The following GRIK2 variants were observed in gnomAD, a reference collection of about 807,000 sequenced individuals.
GRIK2 encodes the protein glutamate receptor ionotropic, kainate 2.
Under a neutral mutation model 100.3 loss-of-function variants are expected in GRIK2, and 32 were observed. The observed-to-expected ratio is 0.32, with a 90% CI of 0.24 to 0.43. GRIK2 has a LOEUF of 0.43. Among genes scored for constraint, GRIK2 ranks in the 20% least tolerant of loss-of-function variants. GRIK2 has a pLI of 1.00. For synonymous variants in GRIK2, 417 were observed against 389.4 expected (o/e 1.07, Z -0.83); for missense variants, 843 against 1,114.9 (o/e 0.76, Z 3.47).
At chr6:101,798,696 C>T (rs1780474772) in intron 7 of GRIK2, among the ~76,000 whole-genome samples, 1 of 151,786 alleles carries the variant, frequency 6.6e-6, no homozygotes, top group African/African-American at 2.4e-5. Context: ...TATTCTAAAG[C>T]ATGCCAAGCA....
chr6:101,975,524 G>C (rs1163814195), intron 14 of GRIK2, among the ~76,000 whole-genome samples: 2 of 151,954 alleles, frequency 1.3e-5, no homozygotes, highest in Non-Finnish European at 2.9e-5. Context: ...TGTCAAGCAA[G>C]ACAAGGATAA....
intron 2 of GRIK2, among the ~76,000 whole-genome samples, chr6:101,499,426 T>G (rs941212583): frequency 6.6e-6 from 1 of 152,126 alleles, no homozygotes; most frequent in Non-Finnish European, 1.5e-5. Context: ...GCTTTATTTG[T>G]TTTAGAACAT....
At chr6:102,019,214 A>T (rs764921255) in intron 14 of GRIK2, among the ~76,000 whole-genome samples, 8 of 152,044 alleles carry the variant, frequency 5.3e-5, no homozygotes, top group Admixed American at 2.6e-4. Context: ...AGTCTTTAAC[A>T]TCTGGTTTGA....
rs1295825951 is a variant in GRIK2 at position 101,393,724 on chromosome 6, G to A, written c.-407G>A. Among the ~76,000 whole-genome samples the A allele has an allele frequency of 6.6e-6, 1 of 152,052 alleles. No individual in the cohort carries two copies. The highest frequency in any genetic ancestry group is 2.4e-5 in the African/African-American group (1 of 41,434). Reference sequence around the variant, plus strand: ...GCTGCCGTCACTCGCGCTCGGCGCCGGCGGCTGCGCTGGTCGGTCTGGTAG... The same window carrying A: ...GCTGCCGTCACTCGCGCTCGGCGCCAGCGGCTGCGCTGGTCGGTCTGGTAG... On this transcript the variant is annotated 5_prime_UTR_variant, in exon 1 of 17. Coordinates refer to ENST00000369134, the MANE Select transcript of GRIK2 (RefSeq NM_021956.5).
At chr6:101,604,255 TTAAAG>T (rs1779351401) in intron 2 of GRIK2, among the ~76,000 whole-genome samples, 1 of 151,652 alleles carries the variant, frequency 6.6e-6, no homozygotes, top group Admixed American at 6.6e-5. Flanking sequence ...GTTCCTAAAA[TTAAAG>T]TATTTAAAAA....
At chr6:101,707,199 A>G (rs1470517267) in intron 7 of GRIK2, among the ~76,000 whole-genome samples, 1 of 151,664 alleles carries the variant, frequency 6.6e-6, no homozygotes, top group Admixed American at 6.6e-5. Flanking sequence ...GCAAATGAAT[A>G]AGCACATATT....
chr6:101,628,673 G>A (rs1780571321), intron 4 of GRIK2, among the ~76,000 whole-genome samples: 1 of 152,032 alleles, frequency 6.6e-6, no homozygotes, highest in Non-Finnish European at 1.5e-5. Flanking sequence ...AGATACATGT[G>A]CATTGTTAAT....
chr6:101,981,511 A>C (rs1793712483), intron 14 of GRIK2, among the ~76,000 whole-genome samples: 1 of 151,968 alleles, frequency 6.6e-6, no homozygotes, highest in Non-Finnish European at 1.5e-5. Flanking sequence ...TTAAAGAGAT[A>C]AATTATCTTT....
chr6:101,953,139 G>T (rs1408756944), intron 14 of GRIK2, among the ~76,000 whole-genome samples: 1 of 152,098 alleles, frequency 6.6e-6, no homozygotes, highest in Non-Finnish European at 1.5e-5. Flanking sequence ...GTACTACATT[G>T]ATATAACAAA....
At chr6:101,876,430 A>G (rs1785845363) in intron 11 of GRIK2, among the ~76,000 whole-genome samples, 1 of 151,772 alleles carries the variant, frequency 6.6e-6, no homozygotes, top group African/African-American at 2.4e-5. Flanking sequence ...ATCTAATTAG[A>G]AATGAAAACA....
chr6:101,910,778 C>T (rs1788621243), intron 12 of GRIK2, among the ~76,000 whole-genome samples: 1 of 149,796 alleles, frequency 6.7e-6, no homozygotes, highest in Non-Finnish European at 1.5e-5. Context: ...ATAGAAATTA[C>T]AGGAAAAGAA....
At chr6:102,026,243 AAATT>A (rs1769701295) in intron 14 of GRIK2, among the ~76,000 whole-genome samples, 1 of 149,566 alleles carries the variant, frequency 6.7e-6, no homozygotes, top group African/African-American at 2.4e-5. Flanking sequence ...CAACGAGAAT[AAATT>A]CTGATTATCT....
intron 7 of GRIK2, among the ~76,000 whole-genome samples, chr6:101,728,858 A>T (rs1291740158): frequency 6.6e-6 from 1 of 152,214 alleles, no homozygotes; most frequent in East Asian, 1.9e-4. Context: ...ATAAAAAGTA[A>T]GAGTCACTTA....
intron 9 of GRIK2, among the ~76,000 whole-genome samples, chr6:101,810,393 A>G (rs1017000601): frequency 8.5e-5 from 13 of 152,058 alleles, no homozygotes; most frequent in African/African-American, 3.1e-4. Context: ...AGATGATTAT[A>G]TACTTACTGA....
At chr6:101,866,359 T>A (rs1328129409) in intron 11 of GRIK2, among the ~76,000 whole-genome samples, 1 of 152,186 alleles carries the variant, frequency 6.6e-6, no homozygotes, top group East Asian at 1.9e-4. Flanking sequence ...ATAGCACCTA[T>A]GCAAAAGCTT....
At chr6:101,592,586 C>CATATATATATAT (rs1491243587) in intron 2 of GRIK2, among the ~76,000 whole-genome samples, 54 of 53,348 alleles carry the variant, frequency 1.0e-3, no homozygotes, top group Middle Eastern at 0.014. Context: ...TTACTAATAT[C>CATATATATATAT]ACATATATAT....
chr6:101,561,122 TG>T (rs1776991081), intron 2 of GRIK2, among the ~76,000 whole-genome samples: 1 of 152,198 alleles, frequency 6.6e-6, no homozygotes, highest in Admixed American at 6.5e-5. Flanking sequence ...TGTATTCTTT[TG>T]TTAAAGAATA....
chr6:101,768,383 G>T (rs1458481922), intron 7 of GRIK2, among the ~76,000 whole-genome samples: 1 of 152,108 alleles, frequency 6.6e-6, no homozygotes, highest in Non-Finnish European at 1.5e-5. Flanking sequence ...TTTTCAGACT[G>T]TTCTCCCCAG....
intron 2 of GRIK2, among the ~76,000 whole-genome samples, chr6:101,494,453 A>C (rs2128269203): frequency 6.6e-6 from 1 of 152,138 alleles, no homozygotes; most frequent in Admixed American, 6.5e-5. Context: ...TAAAAAACAT[A>C]CTTTTAAAAA....
Sources: allele counts gnomAD v4.1 joint callset (sites outside exome capture counted in the v4.1 genomes callset), GRCh38; gene constraint gnomAD v4.1.1; transcripts MANE v1.5; gene names NCBI Gene and HGNC (gene_info 2026-07-23, HGNC 2026-07-21).